The following RARB variants were observed in gnomAD, a reference collection of about 807,000 sequenced individuals.
RARB encodes the protein retinoic acid receptor beta.
A neutral mutation model predicts 51.9 loss-of-function variants in RARB; 17 were observed. The ratio of observed to expected loss-of-function variants is 0.33; its 90% CI spans 0.22 to 0.49. RARB has a LOEUF of 0.49. RARB is among the 20% of genes least tolerant of loss of function. RARB has a pLI of 0.99. For synonymous variants in RARB, 215 were observed against 195.4 expected (o/e 1.10, Z -0.84); for missense variants, 369 against 550.8 (o/e 0.67, Z 3.30).
At chr3:24,960,909 T>A (rs1696126526) in intron 2 of RARB, among the ~76,000 whole-genome samples, 1 of 152,180 alleles carries the variant, frequency 6.6e-6, no homozygotes, top group African/African-American at 2.4e-5. Context: ...TGACTAGGAA[T>A]GACAGAATGG....
chr3:24,866,841 C>G (rs934522006), intron 2 of RARB, among the ~76,000 whole-genome samples: 1 of 152,058 alleles, frequency 6.6e-6, no homozygotes, highest in African/African-American at 2.4e-5. Flanking sequence ...TCAAATCAGC[C>G]TCCCCAAGGA....
At chr3:25,195,537 T>C (rs1418034366) in intron 5 of RARB, among the ~76,000 whole-genome samples, 1 of 152,046 alleles carries the variant, frequency 6.6e-6, no homozygotes, top group South Asian at 2.1e-4. Flanking sequence ...TCACATCTTA[T>C]TCCTTTAACT....
intron 2 of RARB, among the ~76,000 whole-genome samples, chr3:24,949,600 C>A (rs185747314): frequency 1.6e-4 from 25 of 152,232 alleles, no homozygotes; most frequent in Admixed American, 1.5e-3. Flanking sequence ...ATATGTATTT[C>A]TTGAATCCTT....
chr3:24,863,013 A>G (rs1702783037), intron 2 of RARB, among the ~76,000 whole-genome samples: 1 of 152,202 alleles, frequency 6.6e-6, no homozygotes, highest in South Asian at 2.1e-4. Context: ...AGAAGAAATA[A>G]TGTGGGGAAA....
chr3:24,980,738 A>T (rs555779657), intron 2 of RARB, among the ~76,000 whole-genome samples: 2 of 152,172 alleles, frequency 1.3e-5, no homozygotes, highest in East Asian at 1.9e-4. Flanking sequence ...TAAGTTTGTT[A>T]TTCTGACCTT....
chr3:24,870,586 C>G (rs1702927674), intron 2 of RARB, among the ~76,000 whole-genome samples: 1 of 152,030 alleles, frequency 6.6e-6, no homozygotes, highest in Non-Finnish European at 1.5e-5. Flanking sequence ...TATCCAGAAA[C>G]TTTAGAAACT....
At chr3:25,033,255 C>A (rs1292933157) in intron 2 of RARB, among the ~76,000 whole-genome samples, 1 of 152,156 alleles carries the variant, frequency 6.6e-6, no homozygotes, top group Non-Finnish European at 1.5e-5. Context: ...CAGAAACTTA[C>A]AAGCAAGTGG....
At chr3:25,280,851 A>T (rs909457773) in intron 5 of RARB, among the ~76,000 whole-genome samples, 3 of 152,002 alleles carry the variant, frequency 2.0e-5, no homozygotes, top group Non-Finnish European at 2.9e-5. Flanking sequence ...TTCCAGTAGC[A>T]TGGGGTCTTT....
intron 2 of RARB, among the ~76,000 whole-genome samples, chr3:25,497,062 T>A (rs1355772609): frequency 6.6e-6 from 1 of 152,162 alleles, no homozygotes. Flanking sequence ...TTTTGTATTT[T>A]TAGTAGAGAC....
chr3:25,171,313 A>G (rs1441381125), intron 4 of RARB, among the ~76,000 whole-genome samples: 1 of 152,032 alleles, frequency 6.6e-6, no homozygotes, highest in Admixed American at 6.6e-5. Flanking sequence ...TTTTTCTAAA[A>G]GCCTGAAACA....
At chr3:25,356,629 A>G (rs1335333779) in intron 5 of RARB, among the ~76,000 whole-genome samples, 1 of 151,972 alleles carries the variant, frequency 6.6e-6, no homozygotes, top group Non-Finnish European at 1.5e-5. Flanking sequence ...CCCATCATCT[A>G]CATTAGGTAT....
chr3:25,112,708 T>G (rs1375898626), intron 3 of RARB, among the ~76,000 whole-genome samples: 1 of 151,948 alleles, frequency 6.6e-6, no homozygotes, highest in African/African-American at 2.4e-5. Flanking sequence ...AGTCCAGGAG[T>G]TCTAGGCTGC....
At chr3:24,967,811 C>A (rs1208930023) in intron 2 of RARB, among the ~76,000 whole-genome samples, 1 of 152,082 alleles carries the variant, frequency 6.6e-6, no homozygotes, top group Non-Finnish European at 1.5e-5. Context: ...GGATGAGTAA[C>A]TAATGGATTA....
intron 2 of RARB, among the ~76,000 whole-genome samples, chr3:24,938,901 T>C (rs1575081229): frequency 6.6e-6 from 1 of 152,358 alleles, no homozygotes; most frequent in African/African-American, 2.4e-5. Flanking sequence ...CAAAGTTTTA[T>C]TCCTTTTTAA....
intron 3 of RARB, among the ~76,000 whole-genome samples, chr3:25,550,134 T>A (rs1699788030): frequency 6.6e-6 from 1 of 152,212 alleles, no homozygotes; most frequent in South Asian, 2.1e-4. Flanking sequence ...GAACACTTGC[T>A]GCTTAAGTAA....
chr3:25,398,052 G>C (rs12330681), intron 5 of RARB, among the ~76,000 whole-genome samples: 85,617 of 151,922 alleles, frequency 0.56, 24,904 homozygotes, highest in East Asian at 0.82. Context: ...CTAATTTGGG[G>C]ATTTGGATAT....
intron 5 of RARB, among the ~76,000 whole-genome samples, chr3:25,277,431 C>A (rs1031654248): frequency 6.6e-6 from 1 of 152,086 alleles, no homozygotes; most frequent in Non-Finnish European, 1.5e-5. Context: ...GTGAAATCGC[C>A]TATGGATCAT....
intron 5 of RARB, among the ~76,000 whole-genome samples, chr3:25,299,683 G>A (rs2125426766): frequency 6.6e-6 from 1 of 152,160 alleles, no homozygotes; most frequent in Non-Finnish European, 1.5e-5. Context: ...AATCCAATAT[G>A]TTTTATTTTA....
chr3:25,254,751 A>G (rs919015629), intron 5 of RARB, among the ~76,000 whole-genome samples: 2 of 152,118 alleles, frequency 1.3e-5, no homozygotes, highest in Non-Finnish European at 2.9e-5. Flanking sequence ...AAAGGGGGAG[A>G]TAAAAGAAAA....
Sources: allele counts gnomAD v4.1 joint callset (sites outside exome capture counted in the v4.1 genomes callset), GRCh38; gene constraint gnomAD v4.1.1; transcripts MANE v1.5; gene names NCBI Gene and HGNC (gene_info 2026-07-23, HGNC 2026-07-21).